The following NMNAT2 variants were observed in gnomAD, a reference collection of about 807,000 sequenced individuals.
NMNAT2 encodes nicotinamide/nicotinic acid mononucleotide adenylyltransferase 2.
In NMNAT2, 11 loss-of-function variants were observed where a neutral mutation model predicts 41.6. The observed-to-expected ratio is 0.26, with a 90% CI of 0.17 to 0.44. The LOEUF is 0.44. Ranked by LOEUF, NMNAT2 falls within the 20% of genes least tolerant of loss-of-function variation. NMNAT2 has a pLI of 1.00. For missense variants in NMNAT2, 288 were observed against 407.7 expected (o/e 0.71, Z 2.53); for synonymous variants, 148 against 151.2 (o/e 0.98, Z 0.16).
intron 1 of NMNAT2, among the ~76,000 whole-genome samples, chr1:183,297,824 T>G (rs184083456): frequency 8.5e-5 from 13 of 152,278 alleles, no homozygotes; most frequent in Middle Eastern, 3.4e-3. Context: ...TGTTAGCAAA[T>G]AGAATCCAGC....
At chr1:183,267,951 C>T (rs1169552015) in intron 8 of NMNAT2, among the ~76,000 whole-genome samples, 6 of 152,120 alleles carry the variant, frequency 3.9e-5, no homozygotes, top group African/African-American at 7.2e-5. Flanking sequence ...TGGCATATGT[C>T]GAGCCTCAGA....
intron 8 of NMNAT2, among the ~76,000 whole-genome samples, chr1:183,273,662 G>A (rs1196217760): frequency 6.6e-6 from 1 of 152,176 alleles, no homozygotes; most frequent in African/African-American, 2.4e-5. Context: ...CTAATTCACT[G>A]AGGTGCTAAG....
At chr1:183,410,193 G>C (rs967154030) in intron 1 of NMNAT2, among the ~76,000 whole-genome samples, 11 of 151,514 alleles carry the variant, frequency 7.3e-5, no homozygotes, top group Non-Finnish European at 1.3e-4. Flanking sequence ...CATGATGGCG[G>C]GTGCCTGTAG....
At chr1:183,252,812 C>T (rs1660427179) in intron 10 of NMNAT2, 69 bp from the exon 11 acceptor site, 3 of 1,117,524 alleles carry the variant, frequency 2.7e-6, no homozygotes, top group Admixed American at 1.7e-5. Flanking sequence ...CTGGCATGCC[C>T]CTGTCTCCCC....
intron 8 of NMNAT2, among the ~76,000 whole-genome samples, chr1:183,277,064 G>A (rs1183800653): frequency 7.2e-5 from 11 of 152,260 alleles, no homozygotes; most frequent in Admixed American, 2.6e-4. Flanking sequence ...TTTGCTGAGC[G>A]TGACTGTATG....
At chr1:183,412,150 G>A (rs1314876874) in intron 1 of NMNAT2, among the ~76,000 whole-genome samples, 1 of 152,222 alleles carries the variant, frequency 6.6e-6, no homozygotes, top group African/African-American at 2.4e-5. Flanking sequence ...ACGGAGCTCT[G>A]GAGGATTTGG....
intron 1 of NMNAT2, among the ~76,000 whole-genome samples, chr1:183,326,184 T>C (rs991110295): frequency 1.2e-4 from 18 of 152,004 alleles, no homozygotes; most frequent in African/African-American, 4.4e-4. Context: ...AAGACCAGCC[T>C]GGCCAACATG....
At chr1:183,343,821 C>G (rs964786545) in intron 1 of NMNAT2, among the ~76,000 whole-genome samples, 5 of 152,172 alleles carry the variant, frequency 3.3e-5, no homozygotes, top group Non-Finnish European at 7.3e-5. Context: ...ACTTACGGTA[C>G]AAAAGCTGAG....
intron 8 of NMNAT2, among the ~76,000 whole-genome samples, chr1:183,275,518 G>A (rs566294338): frequency 1.2e-3 from 181 of 151,630 alleles, no homozygotes; most frequent in African/African-American, 4.2e-3. Context: ...CTCTGCAGGG[G>A]ACTGGATTTC....
chr1:183,345,686 TTC>T, intron 1 of NMNAT2, among the ~76,000 whole-genome samples: 1 of 101,746 alleles, frequency 9.8e-6, no homozygotes, highest in Middle Eastern at 5.9e-3. Flanking sequence ...TAATATCCTT[TTC>T]TTTTTTTTTT....
chr1:183,390,741 G>A (rs1648457824), intron 1 of NMNAT2, among the ~76,000 whole-genome samples: 1 of 152,208 alleles, frequency 6.6e-6, no homozygotes, highest in African/African-American at 2.4e-5. Flanking sequence ...TTTCAGGCCA[G>A]AACGGACTCC....
chr1:183,339,341 C>T (rs927202522), intron 1 of NMNAT2, among the ~76,000 whole-genome samples: 1 of 152,062 alleles, frequency 6.6e-6, no homozygotes, highest in African/African-American at 2.4e-5. Flanking sequence ...TCATGATCTG[C>T]GCGCCTCAGC....
chr1:183,388,374 T>C (rs1648323232), intron 1 of NMNAT2, among the ~76,000 whole-genome samples: 1 of 152,238 alleles, frequency 6.6e-6, no homozygotes, highest in Non-Finnish European at 1.5e-5. Context: ...TTCTTCTCAC[T>C]CTGGGCCAAT....
At chr1:183,331,035 C>T (rs952447) in intron 1 of NMNAT2, among the ~76,000 whole-genome samples, 12,404 of 151,896 alleles carry the variant, frequency 0.082, 532 homozygotes, top group Admixed American at 0.11. Context: ...TTTTCCCACC[C>T]TTCCTTCCTT....
At chr1:183,337,891 T>C (rs1271137968) in intron 1 of NMNAT2, among the ~76,000 whole-genome samples, 1 of 152,214 alleles carries the variant, frequency 6.6e-6, no homozygotes, top group Non-Finnish European at 1.5e-5. Flanking sequence ...AGATGTTTAA[T>C]GCAAAAGTAG....
chr1:183,335,863 T>C (rs964921996), intron 1 of NMNAT2, among the ~76,000 whole-genome samples: 1 of 152,236 alleles, frequency 6.6e-6, no homozygotes, highest in Admixed American at 6.5e-5. Context: ...CATCAATGTT[T>C]GTTGGATAAA....
At chr1:183,292,886 G>C in intron 2 of NMNAT2, 29 bp from the exon 3 acceptor site, 2 of 1,608,258 alleles carry the variant, frequency 1.2e-6, no homozygotes, top group Non-Finnish European at 8.5e-7. Flanking sequence ...ATCATTGGGA[G>C]ACTCCCTCCG....
At chr1:183,292,933 A>C in intron 2 of NMNAT2, 76 bp from the exon 3 acceptor site, 1 of 1,380,830 alleles carries the variant, frequency 7.2e-7, no homozygotes, top group Non-Finnish European at 1.0e-6. Context: ...GCCCAAGCCC[A>C]CCCATTGTTA....
chr1:183,335,085 C>T (rs910820196), intron 1 of NMNAT2, among the ~76,000 whole-genome samples: 3 of 152,182 alleles, frequency 2.0e-5, no homozygotes, highest in Non-Finnish European at 4.4e-5. Context: ...CTACCAGGTA[C>T]CTTACAGGTA....
Sources: allele counts gnomAD v4.1 joint callset (sites outside exome capture counted in the v4.1 genomes callset), GRCh38; gene constraint gnomAD v4.1.1; transcripts MANE v1.5; gene names NCBI Gene and HGNC (gene_info 2026-07-23, HGNC 2026-07-21).